Variants in ZNF704 observed in about 807,000 individuals in gnomAD.
ZNF704 encodes the protein glucocorticoid induced gene 1.
ZNF704 carries 10 observed loss-of-function variants against 44.7 expected under a neutral mutation model. The ratio of observed to expected loss-of-function variants is 0.22; its 90% CI spans 0.14 to 0.38. The LOEUF is 0.38. ZNF704 is among the 10% of genes least tolerant of loss of function. The probability of loss-of-function intolerance (pLI) is 1.00; values close to 1 mark genes in which losing one functional copy is unlikely to be tolerated. For synonymous variants in ZNF704, 211 were observed against 207.6 expected, an observed-to-expected ratio of 1.02 and a Z score of -0.14; for missense variants, 390 against 545.5, an observed-to-expected ratio of 0.71 and a Z score of 2.84.
intron 6 of ZNF704, among the ~76,000 whole-genome samples, chr8:80,660,050 A>G (rs1202679541): frequency 6.6e-6 from 1 of 152,168 alleles, no homozygotes; most frequent in Non-Finnish European, 1.5e-5. Context: ...AACTAGTACA[A>G]TGTTCTTGGA....
chr8:80,832,578 G>A (rs1808488436), intron 1 of ZNF704, among the ~76,000 whole-genome samples: 1 of 152,252 alleles, frequency 6.6e-6, no homozygotes, highest in Non-Finnish European at 1.5e-5. Context: ...TCAGATTTGA[G>A]GAGTTGGCTC....
chr8:80,859,392 C>G (rs1265916006), intron 1 of ZNF704, among the ~76,000 whole-genome samples: 1 of 152,170 alleles, frequency 6.6e-6, no homozygotes, highest in Admixed American at 6.5e-5. Context: ...GTACAGGGTG[C>G]TAGGAACTAT....
chr8:80,833,926 T>C (rs1200795291), intron 1 of ZNF704, among the ~76,000 whole-genome samples: 1 of 152,182 alleles, frequency 6.6e-6, no homozygotes, highest in Non-Finnish European at 1.5e-5. Context: ...TGACATCAGC[T>C]GTTCTACTGG....
intron 4 of ZNF704, among the ~76,000 whole-genome samples, chr8:80,682,691 C>T (rs1183436120): frequency 6.6e-6 from 1 of 152,236 alleles, no homozygotes; most frequent in African/African-American, 2.4e-5. Flanking sequence ...ACCTATGCTT[C>T]TCAAATTCCC....
intron 3 of ZNF704, among the ~76,000 whole-genome samples, chr8:80,689,411 C>T (rs1818595076): frequency 6.6e-6 from 1 of 152,154 alleles, no homozygotes; most frequent in Admixed American, 6.5e-5. Context: ...CATGCTTTGC[C>T]AGCATCAACA....
rs539249454 is a variant in ZNF704, at chr8:80,707,692, A to C, written c.222-14585T>G. ...TCTTTTGTTTCACAGGTCAGAAGTG[A>C]ACCAGTTTATTCTCATTTAAATTCG... On this transcript the variant is annotated intron_variant, in intron 2 of 8. Coordinates refer to ENST00000327835, the MANE Select transcript of ZNF704 (RefSeq NM_001033723.3). Among the ~76,000 whole-genome samples the C allele has an allele frequency of 5.9e-5, 9 of 152,344 alleles. No homozygotes were observed. The South Asian group carries it at 1.9e-3, about 32-fold the overall frequency.
intron 2 of ZNF704, among the ~76,000 whole-genome samples, chr8:80,748,868 C>T (rs1162021348): frequency 6.6e-6 from 1 of 152,136 alleles, no homozygotes; most frequent in Non-Finnish European, 1.5e-5. Flanking sequence ...TGGTCAGGCC[C>T]TTTTTTCTGG....
At chr8:80,748,692 A>T (rs1806889085) in intron 2 of ZNF704, among the ~76,000 whole-genome samples, 1 of 152,236 alleles carries the variant, frequency 6.6e-6, no homozygotes, top group Non-Finnish European at 1.5e-5. Context: ...CAAGGAAAAG[A>T]ATAGGAAAAA....
chr8:80,686,215 T>G (rs1413675312), intron 4 of ZNF704, among the ~76,000 whole-genome samples: 1 of 152,198 alleles, frequency 6.6e-6, no homozygotes, highest in Non-Finnish European at 1.5e-5. Context: ...CTAACCTGCC[T>G]GACAGGGGCC....
At chr8:80,653,571 G>C (rs1817958747) in intron 7 of ZNF704, among the ~76,000 whole-genome samples, 2 of 152,128 alleles carry the variant, frequency 1.3e-5, no homozygotes, top group Admixed American at 1.3e-4. Flanking sequence ...GCCAAATCAT[G>C]AGTGAACTCC....
chr8:80,641,459 G>C lies in ZNF704; in HGVS notation c.1146C>G (p.Gly382=). Residue 382 remains glycine, a synonymous_variant, in exon 9 of 9, where the codon GGC becomes GGG. Transcript: ENST00000327835. ...TCCCGTACACCTTCCGACACTTTTT[G>C]CCCTCTCCCCTGGGCTTCCTGTAAG... is the stretch of plus-strand genomic sequence containing the variant. ...TVSLRKPRGE[G]KKCRKVYGME... 2 of 1,612,498 alleles carry C rather than the reference G, an allele frequency of 1.2e-6. No homozygotes were observed. Among genetic ancestry groups the C allele is most frequent in the Non-Finnish European group, 1.7e-6 (2 of 1,179,258 alleles).
intron 3 of ZNF704, among the ~76,000 whole-genome samples, chr8:80,690,310 A>G (rs1281946080): frequency 6.6e-6 from 1 of 152,262 alleles, no homozygotes; most frequent in Non-Finnish European, 1.5e-5. Flanking sequence ...CAATTAAAAA[A>G]TGAAGCCAAT....
At chr8:80,670,936 C>T (rs1167372295) in intron 4 of ZNF704, among the ~76,000 whole-genome samples, 1 of 152,170 alleles carries the variant, frequency 6.6e-6, no homozygotes, top group African/African-American at 2.4e-5. Context: ...AAGTGTTTAT[C>T]TCCTTTAATC....
At chr8:80,700,178 T>G (rs1190697847) in intron 2 of ZNF704, among the ~76,000 whole-genome samples, 1 of 152,222 alleles carries the variant, frequency 6.6e-6, no homozygotes, top group African/African-American at 2.4e-5. Flanking sequence ...ATTACAGCCT[T>G]TTTTAAATTG....
At chr8:80,744,674 T>G (rs754258579) in intron 2 of ZNF704, among the ~76,000 whole-genome samples, 1 of 152,252 alleles carries the variant, frequency 6.6e-6, no homozygotes, top group Non-Finnish European at 1.5e-5. Flanking sequence ...CTTTTATTTA[T>G]GCACAGAGCC....
chr8:80,853,101 C>T (rs959549459), intron 1 of ZNF704, among the ~76,000 whole-genome samples: 1 of 152,204 alleles, frequency 6.6e-6, no homozygotes, highest in Non-Finnish European at 1.5e-5. Flanking sequence ...CGCATTGGCT[C>T]ACACCTATAA....
chr8:80,685,424 C>T (rs561555112), intron 4 of ZNF704, among the ~76,000 whole-genome samples: 2 of 152,240 alleles, frequency 1.3e-5, no homozygotes, highest in South Asian at 2.1e-4. Context: ...CAACCCTGGG[C>T]CATGCCTATT....
rs1817565510 is a variant in ZNF704 at position 80,630,462 on chromosome 8, A to G, written c.*10904T>C. On this transcript the variant is annotated 3_prime_UTR_variant, in exon 9 of 9. Transcript: ENST00000327835. ...TCTACTGATTGCATTTCCACTAAAT[A>G]CCCCATTTTAAATATTTAATAATTT... is the stretch of plus-strand genomic sequence containing the variant. 1 of 152,220 alleles carries G rather than the reference A, an allele frequency of 6.6e-6. No homozygotes were observed. The highest frequency in any genetic ancestry group is 1.5e-5 in the Non-Finnish European group (1 of 68,044). 9.4% of individuals were successfully genotyped at this position (152,220 alleles called of 1,614,324 possible).
intron 2 of ZNF704, among the ~76,000 whole-genome samples, chr8:80,799,306 G>T (rs548885819): frequency 6.6e-6 from 1 of 152,312 alleles, no homozygotes; most frequent in African/African-American, 2.4e-5. Context: ...GAAGTATTAA[G>T]TCATAAATTG....
Sources: gnomAD v4.1 joint callset for allele counts (sites outside exome capture counted in the v4.1 genomes callset) on GRCh38, gnomAD v4.1.1 for gene constraint, MANE v1.5 for transcripts, NCBI Gene and HGNC (gene_info 2026-07-23, HGNC 2026-07-21) for gene names.